Variants in CRACDL observed in about 807,000 individuals in gnomAD.
CRACDL encodes CRACD like.
A neutral mutation model predicts 70.6 loss-of-function variants in CRACDL; 26 were observed. That is an observed-to-expected ratio of 0.37 (90% confidence interval 0.27 to 0.51). CRACDL has a LOEUF of 0.51. Ranked by LOEUF, CRACDL falls within the 20% of genes least tolerant of loss-of-function variation. The pLI is 0.94. For synonymous variants in CRACDL, 618 were observed against 615.2 expected (o/e 1.00, Z -0.07); for missense variants, 1,283 against 1,376.9 (o/e 0.93, Z 1.08).
chr2:98,836,258 T>C lies in CRACDL; in HGVS notation c.239+1861A>G, dbSNP rs572990955. On this transcript the variant is annotated intron_variant, in intron 3 of 9. Coordinates refer to ENST00000397899, the MANE Select transcript of CRACDL (RefSeq NM_207362.3). ...CCCATGTGGTTTGCTCGCACTAATG[T>C]GCCTTAGTAAATGGAGCTGTTTTCC... Among the ~76,000 whole-genome samples the C allele has an allele frequency of 8.5e-5, 13 of 152,318 alleles. 1 individual carries two copies. In the South Asian group the frequency reaches 1.2e-3, roughly 15 times the overall value.
At chr2:98,813,915 T>A (rs1559207249) in intron 7 of CRACDL, among the ~76,000 whole-genome samples, 1 of 152,346 alleles carries the variant, frequency 6.6e-6, no homozygotes. Context: ...TGCTATTTTT[T>A]AAGTTTGATA....
intron 7 of CRACDL, among the ~76,000 whole-genome samples, chr2:98,799,226 G>C (rs1295276462): frequency 6.6e-6 from 1 of 152,164 alleles, no homozygotes; most frequent in Non-Finnish European, 1.5e-5. Flanking sequence ...TCTGTGGCCT[G>C]ATGTCTTCCA....
chr2:98,917,295 G>C (rs1558638901), intron 1 of CRACDL, among the ~76,000 whole-genome samples: 2 of 152,192 alleles, frequency 1.3e-5, no homozygotes, highest in Non-Finnish European at 2.9e-5. Flanking sequence ...CCTTGCATAG[G>C]AATTTTGGAC....
intron 1 of CRACDL, among the ~76,000 whole-genome samples, chr2:98,884,103 G>C (rs186068202): frequency 1.3e-5 from 2 of 152,182 alleles, no homozygotes; most frequent in Non-Finnish European, 1.5e-5. Context: ...CTGGAGATAC[G>C]GGCCAGTAGA....
chr2:98,831,970 T>A (rs1438891689), intron 5 of CRACDL, among the ~76,000 whole-genome samples: 1 of 151,984 alleles, frequency 6.6e-6, no homozygotes, highest in Admixed American at 6.5e-5. Context: ...TGCTCACTAC[T>A]TCCCCCTCCC....
At position 98,853,769 on chromosome 2, in the gene CRACDL, G is replaced by A. The variant is rs1022491699; in HGVS notation, c.-10-6959C>T. Among the ~76,000 whole-genome samples, 8 of 152,254 alleles carry A rather than the reference G, an allele frequency of 5.3e-5. No homozygotes were observed. In the South Asian group the frequency reaches 1.7e-3, roughly 32 times the overall value. On this transcript the variant is annotated intron_variant, in intron 1 of 9. Transcript: ENST00000397899. The stretch of plus-strand genomic sequence containing the variant: ...TGTATGTATGACTAGACTATCACAA[G>A]GTTCTGGCATTTTACGTGAAGTGGT...
chr2:98,807,190 G>A (rs1316586131), intron 7 of CRACDL, among the ~76,000 whole-genome samples: 1 of 152,142 alleles, frequency 6.6e-6, no homozygotes, highest in African/African-American at 2.4e-5. Flanking sequence ...TAACAAAGCT[G>A]GGATTTGAAC....
intron 7 of CRACDL, among the ~76,000 whole-genome samples, chr2:98,811,516 CAAAAAA>C (rs1199306759): frequency 1.2e-4 from 6 of 49,638 alleles, no homozygotes; most frequent in African/African-American, 2.5e-4. Flanking sequence ...GACTCTGTCT[CAAAAAA>C]AAAAAAAAAA....
At chr2:98,870,957 G>A (rs1020755480) in intron 1 of CRACDL, among the ~76,000 whole-genome samples, 1 of 152,246 alleles carries the variant, frequency 6.6e-6, no homozygotes, top group African/African-American at 2.4e-5. Context: ...CTGTCACATC[G>A]TGTGAATGCC....
chr2:98,814,104 AT>A (rs1351699704), intron 7 of CRACDL, among the ~76,000 whole-genome samples: 1 of 151,952 alleles, frequency 6.6e-6, no homozygotes, highest in Non-Finnish European at 1.5e-5. Flanking sequence ...TTTATTGGCT[AT>A]TTTGAAGAAC....
At chr2:98,908,442 G>A (rs1273629743) in intron 1 of CRACDL, 2 of 152,270 alleles carry the variant, frequency 1.3e-5, no homozygotes, top group Non-Finnish European at 2.9e-5. Flanking sequence ...GCAGGGGAGA[G>A]GCTAGCCATC....
chr2:98,858,411 A>C (rs1369884987), intron 1 of CRACDL, among the ~76,000 whole-genome samples: 1 of 149,174 alleles, frequency 6.7e-6, no homozygotes, highest in African/African-American at 2.5e-5. Flanking sequence ...GCTACTTGGG[A>C]GGCTGAGGCA....
At chr2:98,802,480 T>A (rs2104410549) in intron 7 of CRACDL, among the ~76,000 whole-genome samples, 1 of 151,344 alleles carries the variant, frequency 6.6e-6, no homozygotes, top group South Asian at 2.1e-4. Context: ...TACTGAGCTA[T>A]TTGTATTCGG....
chr2:98,820,947 G>A (rs1705000350), intron 7 of CRACDL, among the ~76,000 whole-genome samples: 1 of 152,216 alleles, frequency 6.6e-6, no homozygotes. Context: ...TTCATTTATA[G>A]CCAAGAAATA....
chr2:98,848,029 T>C (rs1706332880), intron 1 of CRACDL, among the ~76,000 whole-genome samples: 1 of 152,192 alleles, frequency 6.6e-6, no homozygotes, highest in Admixed American at 6.5e-5. Context: ...CAAAAAAATG[T>C]CCGGTCTTGT....
chr2:98,921,680 G>T (rs1708805243), intron 1 of CRACDL, among the ~76,000 whole-genome samples: 1 of 152,104 alleles, frequency 6.6e-6, no homozygotes, highest in Non-Finnish European at 1.5e-5. Flanking sequence ...TAAGGCTGAG[G>T]CCCCTGAGCA....
Position 98,813,952 on chromosome 2 carries a change from T to C in CRACDL, c.2416+7905A>G, listed in dbSNP as rs527522260. Among the ~76,000 whole-genome samples the C allele has an allele frequency of 1.3e-4, 20 of 152,310 alleles. No individual in the cohort carries two copies. The East Asian group carries it at 3.9e-3, about 29-fold the overall frequency. On this transcript the variant is annotated intron_variant, in intron 7 of 9. Coordinates refer to ENST00000397899, the MANE Select transcript of CRACDL (RefSeq NM_207362.3). Reference sequence around the variant, plus strand: ...TTTGTGTCTTTCAAGGAATTGGCCCTTTTCTTCTCATTTGTCAAATTTATG... The same window carrying C: ...TTTGTGTCTTTCAAGGAATTGGCCCCTTTCTTCTCATTTGTCAAATTTATG...
chr2:98,795,071 ATATATATT>A (rs1403580773), intron 9 of CRACDL, among the ~76,000 whole-genome samples: 2 of 22,392 alleles, frequency 8.9e-5, no homozygotes, highest in African/African-American at 2.3e-4. Flanking sequence ...ATATATATAT[ATATATATT>A]TTTTTTTTTT....
intron 1 of CRACDL, among the ~76,000 whole-genome samples, chr2:98,915,754 C>T (rs1301348302): frequency 1.3e-5 from 2 of 152,246 alleles, no homozygotes; most frequent in East Asian, 1.9e-4. Context: ...ACACCAACTT[C>T]GGACAAGACA....
Sources: allele counts gnomAD v4.1 joint callset (sites outside exome capture counted in the v4.1 genomes callset), GRCh38; gene constraint gnomAD v4.1.1; transcripts MANE v1.5; gene names NCBI Gene and HGNC (gene_info 2026-07-23, HGNC 2026-07-21).